Variants in PRDM16 observed in about 807,000 individuals in gnomAD.
PRDM16 encodes PR/SET domain 16.
A neutral mutation model predicts 110.6 loss-of-function variants in PRDM16; 23 were observed. The ratio of observed to expected loss-of-function variants is 0.21; its 90% CI spans 0.15 to 0.29. PRDM16 has a LOEUF of 0.29. Ranked by LOEUF, PRDM16 falls within the 10% of genes least tolerant of loss-of-function variation. The pLI is 1.00. For synonymous variants in PRDM16, 799 were observed against 781.8 expected (o/e 1.02, Z -0.37); for missense variants, 1,615 against 1,794.3 (o/e 0.90, Z 1.81).
At chr1:3,429,370 G>C (rs1444413442) in intron 14 of PRDM16, among the ~76,000 whole-genome samples, 2 of 152,262 alleles carry the variant, frequency 1.3e-5, no homozygotes, top group African/African-American at 4.8e-5. Context: ...TGTGCATGGG[G>C]GGTGTGCAGC....
chr1:3,124,530 T>C (rs1643163881), intron 1 of PRDM16, among the ~76,000 whole-genome samples: 1 of 152,198 alleles, frequency 6.6e-6, no homozygotes, highest in Non-Finnish European at 1.5e-5. Flanking sequence ...CTTACCACTA[T>C]AGCACCAATG....
intron 1 of PRDM16, among the ~76,000 whole-genome samples, chr1:3,176,373 C>T (rs970260255): frequency 7.2e-6 from 1 of 139,664 alleles, no homozygotes; most frequent in Non-Finnish European, 1.6e-5. Context: ...GCATTCACAC[C>T]TTGAGGTGGC....
chr1:3,178,624 GC>G (rs1215603441), intron 1 of PRDM16, among the ~76,000 whole-genome samples: 3 of 152,180 alleles, frequency 2.0e-5, no homozygotes, highest in Non-Finnish European at 4.4e-5. Context: ...TTTTAGAAAA[GC>G]CTAGTTCCCT....
chr1:3,410,484 C>T (rs1035579015), intron 8 of PRDM16, among the ~76,000 whole-genome samples: 1 of 152,196 alleles, frequency 6.6e-6, no homozygotes, highest in Non-Finnish European at 1.5e-5. Flanking sequence ...GACCTCCTAT[C>T]CATGTCCACC....
At chr1:3,091,518 C>T (rs1642276327) in intron 1 of PRDM16, among the ~76,000 whole-genome samples, 1 of 152,244 alleles carries the variant, frequency 6.6e-6, no homozygotes, top group Admixed American at 6.5e-5. Flanking sequence ...GCCGGCTCCT[C>T]TCCACGCCTG....
chr1:3,374,356 A>G lies in PRDM16; in HGVS notation c.439-10796A>G, dbSNP rs75309490. 5.9e-4 allele frequency among the ~76,000 whole-genome samples: 90 copies of G among 152,316 alleles called. 1 individual carries two copies. The East Asian group carries it at 0.015, about 26-fold the overall frequency. On this transcript the variant is annotated intron_variant, in intron 3 of 16. Coordinates refer to ENST00000270722, the MANE Select transcript of PRDM16 (RefSeq NM_022114.4). ...AATGCGGGATCCCTTTAAAAATGAC[A>G]CATCTGTAAGCTGGGATCCCCGTTA...
intron 1 of PRDM16, among the ~76,000 whole-genome samples, chr1:3,183,970 AAAT>A (rs1348772125): frequency 6.6e-6 from 1 of 151,972 alleles, no homozygotes; most frequent in East Asian, 2.0e-4. Context: ...TACCAGTTCC[AAAT>A]AACAAGATGC....
Position 3,363,633 on chromosome 1 carries a change from A to C in PRDM16, c.439-21519A>C, listed in dbSNP as rs940203376. On this transcript the variant is annotated intron_variant, in intron 3 of 16. Coordinates refer to ENST00000270722, the MANE Select transcript of PRDM16 (RefSeq NM_022114.4). Reference sequence around the variant, plus strand: ...AGCATGAAATTCATAGTGAGCTCCCATTGCCCCCCAATAAGGCCCCCTTGG... The same window carrying C: ...AGCATGAAATTCATAGTGAGCTCCCCTTGCCCCCCAATAAGGCCCCCTTGG... 3.9e-5 allele frequency among the ~76,000 whole-genome samples: 6 copies of C among 152,094 alleles called. No homozygotes were observed. In the East Asian group the frequency reaches 7.8e-4, roughly 20 times the overall value.
At chr1:3,381,631 T>C (rs1369579545) in intron 3 of PRDM16, among the ~76,000 whole-genome samples, 1 of 152,058 alleles carries the variant, frequency 6.6e-6, no homozygotes, top group Non-Finnish European at 1.5e-5. Context: ...CCTCAGGTGA[T>C]CCACCCGCCT....
At position 3,214,481 on chromosome 1, in the gene PRDM16, G is replaced by C. The variant is rs186354348; in HGVS notation, c.387+28007G>C. Among the ~76,000 whole-genome samples, 297 of 152,308 alleles carry C rather than the reference G, an allele frequency of 1.9e-3. 2 individuals carry two copies. The highest frequency in any genetic ancestry group is 6.8e-3 in the African/African-American group (283 of 41,570). On this transcript the variant is annotated intron_variant, in intron 2 of 16. Transcript: ENST00000270722. ...GGAGGCCAAGACGGGCAGATCACCT[G>C]AGGTTGGGAGTTCAAGACCAGCCTG...
intron 3 of PRDM16, among the ~76,000 whole-genome samples, chr1:3,333,307 C>G (rs891165242): frequency 6.6e-6 from 1 of 152,124 alleles, no homozygotes; most frequent in Non-Finnish European, 1.5e-5. Flanking sequence ...TGGCAGGGGT[C>G]TGGCTCAGAA....
At chr1:3,224,015 C>G (rs770911770) in intron 2 of PRDM16, among the ~76,000 whole-genome samples, 6 of 152,178 alleles carry the variant, frequency 3.9e-5, no homozygotes, top group Non-Finnish European at 8.8e-5. Flanking sequence ...TGGCACCGAT[C>G]AGGGATTTCT....
intron 3 of PRDM16, among the ~76,000 whole-genome samples, chr1:3,283,621 A>G (rs1640774216): frequency 1.3e-5 from 2 of 152,074 alleles, no homozygotes; most frequent in South Asian, 4.2e-4. Context: ...CGGTCAGCAA[A>G]GGGTTACGGG....
chr1:3,336,634 ATG>A (rs1557618024), intron 3 of PRDM16, among the ~76,000 whole-genome samples: 1 of 149,000 alleles, frequency 6.7e-6, no homozygotes, highest in African/African-American at 2.5e-5. Flanking sequence ...ATGCATGCAC[ATG>A]TGTGTTGGAG....
At chr1:3,198,909 G>A (rs990181554) in intron 2 of PRDM16, among the ~76,000 whole-genome samples, 5 of 152,180 alleles carry the variant, frequency 3.3e-5, no homozygotes, top group Non-Finnish European at 7.4e-5. Context: ...AGTCCATTCC[G>A]GCTTATCAGC....
chr1:3,287,804 C>T (rs567331909), intron 3 of PRDM16, among the ~76,000 whole-genome samples: 44 of 148,212 alleles, frequency 3.0e-4, no homozygotes, highest in African/African-American at 1.0e-3. Flanking sequence ...CCCCCTGCCA[C>T]GTGGGCATCC....
Position 3,425,531 on chromosome 1 carries a change from T to A in PRDM16, c.2940-50T>A, listed in dbSNP as rs1190600047. The A allele has an allele frequency of 8.3e-6, 13 of 1,575,284 alleles. No homozygotes were observed. The highest frequency in any genetic ancestry group is 1.1e-5 in the Non-Finnish European group (13 of 1,154,718). On this transcript the variant is annotated intron_variant, in intron 12 of 16. Coordinates refer to ENST00000270722, the MANE Select transcript of PRDM16 (RefSeq NM_022114.4). The surrounding 1 kb of genome is among the most constrained non-coding windows in gnomAD (Gnocchi z 6.9). ...TCCCCCCACCCTCTGTGGCCCGGCC[T>A]GCCATGCAGAGCCGGGGCCTGCACT... is the stretch of plus-strand genomic sequence containing the variant.
intron 2 of PRDM16, among the ~76,000 whole-genome samples, chr1:3,242,197 C>T (rs1293414062): frequency 6.6e-6 from 1 of 152,188 alleles, no homozygotes; most frequent in Non-Finnish European, 1.5e-5. Context: ...GGGCAGGGCC[C>T]TCTCGCTGGT....
At chr1:3,097,819 G>A (rs1642441676) in intron 1 of PRDM16, among the ~76,000 whole-genome samples, 1 of 152,138 alleles carries the variant, frequency 6.6e-6, no homozygotes, top group African/African-American at 2.4e-5. Context: ...AGATCCCAGG[G>A]GGGCCCAAGC....
Sources: allele counts gnomAD v4.1 joint callset (sites outside exome capture counted in the v4.1 genomes callset), GRCh38; gene constraint gnomAD v4.1.1; non-coding constraint Gnocchi (gnomAD v3.1); transcripts MANE v1.5; gene names NCBI Gene and HGNC (gene_info 2026-07-23, HGNC 2026-07-21).